SPMIP8: variants seen among roughly 807,000 people sequenced by gnomAD.
The protein encoded by SPMIP8 is testicular tissue protein Li 196.
the SPMIP8 span, among the ~76,000 whole-genome samples, chr16:57,981,851 A>G: frequency 6.6e-6 from 1 of 152,090 alleles, no homozygotes; most frequent in African/African-American, 2.4e-5. Flanking sequence ...ATTGTGTCTA[A>G]ACCGCAAAAA....
chr16:57,976,749 C>A, the SPMIP8 span: 2 of 1,235,016 alleles, frequency 1.6e-6, no homozygotes, highest in Non-Finnish European at 2.3e-6. Context: ...TGTCACCATG[C>A]CCCCTCCCTG....
At chr16:57,979,026 A>G in the SPMIP8 span, among the ~76,000 whole-genome samples, 1 of 152,192 alleles carries the variant, frequency 6.6e-6, no homozygotes, top group Non-Finnish European at 1.5e-5. Context: ...AAAGAGAGAG[A>G]AAGACCTCTC....
the SPMIP8 span, chr16:57,987,273 A>G: frequency 7.2e-6 from 7 of 971,710 alleles, no homozygotes; most frequent in African/African-American, 1.2e-4. Flanking sequence ...GGAGCCACTG[A>G]AGTCTCCTGA....
At chr16:57,979,910 A>G in the SPMIP8 span, among the ~76,000 whole-genome samples, 1 of 152,220 alleles carries the variant, frequency 6.6e-6, no homozygotes, top group East Asian at 1.9e-4. Flanking sequence ...TTCACTAAAA[A>G]TACAAAAATT....
chr16:57,986,322 G>A, the SPMIP8 span: 47 of 211,530 alleles, frequency 2.2e-4, no homozygotes, highest in African/African-American at 1.0e-3. Context: ...TGGTCTTCCC[G>A]GCAGGGTCGC....
At chr16:57,976,783 TCTC>T in the SPMIP8 span, 1 of 918,672 alleles carries the variant, frequency 1.1e-6, no homozygotes, top group South Asian at 1.7e-5. Context: ...TAAGGTCCTC[TCTC>T]CTCCTGCCAC....
chr16:57,980,690 C>T, the SPMIP8 span, among the ~76,000 whole-genome samples: 786 of 152,174 alleles, frequency 5.2e-3, 13 homozygotes, highest in Admixed American at 0.017. Flanking sequence ...TTTTGCTTTT[C>T]GTTTTGTTTT....
the SPMIP8 span, chr16:57,985,290 C>G: frequency 1.3e-6 from 2 of 1,560,232 alleles, no homozygotes; most frequent in Non-Finnish European, 8.7e-7. Flanking sequence ...GCGCGCAGAC[C>G]CGTCCCTGAG....
At chr16:57,980,218 C>A in the SPMIP8 span, among the ~76,000 whole-genome samples, 12 of 152,150 alleles carry the variant, frequency 7.9e-5, no homozygotes, top group Non-Finnish European at 1.6e-4. Context: ...TGGGTAAGAG[C>A]TTTATGTTCA....
At chr16:57,979,135 G>A in the SPMIP8 span, among the ~76,000 whole-genome samples, 26 of 152,332 alleles carry the variant, frequency 1.7e-4, no homozygotes, top group African/African-American at 5.5e-4. Flanking sequence ...AGGAGCTTGC[G>A]TGTGGAGGGA....
At chr16:57,981,416 T>TTATTATTATTATAATAATAATA in the SPMIP8 span, among the ~76,000 whole-genome samples, 1 of 140,990 alleles carries the variant, frequency 7.1e-6, no homozygotes, top group Non-Finnish European at 1.5e-5. Context: ...TAATAATAAT[T>TTATTATTATTATAATAATAATA]ATTATTATTA....
At chr16:57,985,569 G>T in the SPMIP8 span, 1 of 1,578,234 alleles carries the variant, frequency 6.3e-7, no homozygotes, top group Non-Finnish European at 8.6e-7. Flanking sequence ...ACGCGCCCGG[G>T]GACCCCATAT....
chr16:57,986,428 C>T, the SPMIP8 span: 1 of 152,834 alleles, frequency 6.5e-6, no homozygotes, highest in Admixed American at 6.5e-5. Context: ...ATTTTCATAA[C>T]TAAGCCATCT....
chr16:57,976,653 G>T, the SPMIP8 span: 2 of 1,611,868 alleles, frequency 1.2e-6, no homozygotes, highest in South Asian at 2.2e-5. Flanking sequence ...GAAGCAGGGA[G>T]CCCTTGCTCT....
chr16:57,984,678 G>C, the SPMIP8 span: 1 of 1,595,678 alleles, frequency 6.3e-7, no homozygotes. Context: ...CAGGTACCAC[G>C]AGGGAAAGCT....
the SPMIP8 span, among the ~76,000 whole-genome samples, chr16:57,981,501 CTTTTTT>C: frequency 9.7e-4 from 67 of 68,962 alleles, no homozygotes; most frequent in African/African-American, 4.5e-3. Context: ...CTCTCTTTCT[CTTTTTT>C]TTTTTTTTTT....
At chr16:57,985,307 GC>G in the SPMIP8 span, 4 of 1,557,960 alleles carry the variant, frequency 2.6e-6, no homozygotes, top group South Asian at 2.4e-5. Flanking sequence ...TGAGCGGGGA[GC>G]GGGGGTCCTG....
At chr16:57,985,468 G>C in the SPMIP8 span, 1 of 1,613,874 alleles carries the variant, frequency 6.2e-7, no homozygotes, top group Admixed American at 1.7e-5. Flanking sequence ...CCCTATCCCT[G>C]CTGCCCGCCT....
the SPMIP8 span, chr16:57,985,489 T>A: frequency 6.2e-7 from 1 of 1,613,676 alleles, no homozygotes; most frequent in Non-Finnish European, 8.5e-7. Context: ...CAGTACTGCC[T>A]CAGCCAGAAC....
Sources: gnomAD v4.1 joint callset for allele counts (sites outside exome capture counted in the v4.1 genomes callset) on GRCh38, gnomAD v4.1.1 for gene constraint, MANE v1.5 for transcripts, NCBI Gene and HGNC (gene_info 2026-07-23, HGNC 2026-07-21) for gene names.